The following SNRPN variants were observed in gnomAD, a reference collection of about 807,000 sequenced individuals.
The protein encoded by SNRPN is small nuclear ribonucleoprotein polypeptide N, also known as small nuclear ribonucleoprotein-associated protein N.
Under a neutral mutation model 25.2 loss-of-function variants are expected in SNRPN, and 7 were observed. The observed-to-expected ratio is 0.28, with a 90% CI of 0.16 to 0.52. The LOEUF is 0.52. SNRPN is among the 20% of genes least tolerant of loss of function. The pLI is 0.96. For missense variants in SNRPN, 196 were observed against 322.5 expected, an observed-to-expected ratio of 0.61 and a Z score of 3.00; for synonymous variants, 124 against 110.6, an observed-to-expected ratio of 1.12 and a Z score of -0.76.
intron 2 of SNRPN, chr15:24,908,926 G>T: frequency 2.8e-6 from 3 of 1,064,066 alleles, no homozygotes; most frequent in Non-Finnish European, 4.2e-6. Context: ...AAAATTGTTT[G>T]GTTTAGCTCT....
chr15:24,971,186 T>G (rs1952948763), intron 3 of SNRPN, among the ~76,000 whole-genome samples: 1 of 152,218 alleles, frequency 6.6e-6, no homozygotes, highest in Admixed American at 6.5e-5. Context: ...AACTTGTGCT[T>G]CTGTGAGGGA....
intron 1 of SNRPN, among the ~76,000 whole-genome samples, chr15:24,878,513 C>G (rs2056230250): frequency 6.6e-6 from 1 of 152,238 alleles, no homozygotes; most frequent in South Asian, 2.1e-4. Flanking sequence ...CTTATGGCGC[C>G]CGCCGGGAGT....
At chr15:24,843,232 T>C (rs970459816) in intron 2 of SNRPN, among the ~76,000 whole-genome samples, 7 of 152,156 alleles carry the variant, frequency 4.6e-5, no homozygotes, top group Admixed American at 3.9e-4. Context: ...TAAAATGTTA[T>C]AAATATGGAT....
At chr15:24,935,341 T>C (rs1428081220) in intron 3 of SNRPN, among the ~76,000 whole-genome samples, 2 of 152,078 alleles carry the variant, frequency 1.3e-5, no homozygotes, top group Non-Finnish European at 2.9e-5. Flanking sequence ...AGTACTGATG[T>C]AGGGATTGTG....
At chr15:24,972,774 G>A (rs574593215) in intron 3 of SNRPN, among the ~76,000 whole-genome samples, 1 of 143,790 alleles carries the variant, frequency 7.0e-6, no homozygotes, top group Non-Finnish European at 1.5e-5. Context: ...CATTATGCAT[G>A]CTTGATTACG....
intron 1 of SNRPN, among the ~76,000 whole-genome samples, chr15:24,859,214 C>T (rs2146970104): frequency 6.6e-6 from 1 of 152,212 alleles, no homozygotes; most frequent in South Asian, 2.1e-4. Context: ...GAGAAGCACC[C>T]CTCTGCGCAG....
At chr15:24,831,958 A>G (rs111991855) in intron 2 of SNRPN, among the ~76,000 whole-genome samples, 13 of 143,794 alleles carry the variant, frequency 9.0e-5, no homozygotes, top group Non-Finnish European at 1.7e-4. Context: ...TATCCAACAC[A>G]CCGGATAGTC....
At chr15:24,835,261 T>C (rs1389903750) in intron 2 of SNRPN, among the ~76,000 whole-genome samples, 2 of 151,146 alleles carry the variant, frequency 1.3e-5, no homozygotes, top group East Asian at 3.9e-4. Flanking sequence ...CATGCTGTTT[T>C]TCTTCTTATA....
intron 2 of SNRPN, chr15:24,849,730 A>C (rs1378606719): frequency 6.6e-6 from 1 of 152,186 alleles, no homozygotes; most frequent in Non-Finnish European, 1.5e-5. Context: ...TGACCTATGC[A>C]CAGTACCTGT....
upstream of SNRPN, among the ~76,000 whole-genome samples, chr15:24,954,409 T>G (rs2062520423): frequency 6.6e-6 from 1 of 152,016 alleles, no homozygotes; most frequent in African/African-American, 2.4e-5. Flanking sequence ...TATAGGAGAG[T>G]TTAATTATAT....
intron 1 of SNRPN, among the ~76,000 whole-genome samples, chr15:24,865,138 C>T (rs2054450253): frequency 6.6e-6 from 1 of 151,536 alleles, no homozygotes; most frequent in Non-Finnish European, 1.5e-5. Context: ...CCTCTGCCTC[C>T]CAGGTTCAAG....
In SNRPN at chr15:24,977,077, G is replaced by A. The variant is rs746756443; in HGVS notation, c.420+48G>A. Reference sequence around the variant, plus strand: ...TATATTATTGGGAGAATATGACTAAGCCGGAGGCCGAGGAGATTTAAAAAC... The same window carrying A: ...TATATTATTGGGAGAATATGACTAAACCGGAGGCCGAGGAGATTTAAAAAC... On this transcript the variant is annotated intron_variant, in intron 7 of 9. Transcript: ENST00000390687. The A allele has an allele frequency of 2.1e-6, 3 of 1,459,368 alleles. No homozygotes were observed. In the East Asian group the frequency reaches 7.1e-5, roughly 35 times the overall value. The allele number at this position is 1,459,368 out of a possible 1,614,324, so 90.4% of individuals were successfully genotyped here.
intron 1 of SNRPN, among the ~76,000 whole-genome samples, chr15:24,872,350 A>G (rs2055232143): frequency 8.4e-6 from 1 of 119,658 alleles, no homozygotes; most frequent in African/African-American, 2.9e-5. Context: ...TATTTTTAGT[A>G]GAGACAGGGT....
rs2050864758 is a variant in SNRPN, at chr15:24,834,728, C to CTCTCTCTCT, written c.-579+4823_-579+4824insTCTCTCTCT. ...GAGTGAGACCTTGTCTCTCTCTCTCCCTCTCTCTCTCTCTCTCTCTCTCTA... is the reference window on the plus strand; with the variant it reads ...GAGTGAGACCTTGTCTCTCTCTCTCCTCTCTCTCTCTCTCTCTCTCTCTCTCTCTCTCTA... On this transcript the variant is annotated intron_variant, in intron 2 of 12. Coordinates refer to the SNRPN transcript ENST00000400100. 2.6e-3 allele frequency among the ~76,000 whole-genome samples: 111 copies of CTCTCTCTCT among 42,774 alleles called. 8 individuals carry two copies. Among genetic ancestry groups the CTCTCTCTCT allele is most frequent in the Middle Eastern group, 0.015 (1 of 68 alleles). 28.1% of individuals were successfully genotyped at this position (42,774 alleles called of 152,430 possible). A position where few individuals can be genotyped will look rare whatever the true frequency, so the allele number is the denominator to read the frequency against.
intron 2 of SNRPN, 44 bp from the exon 3 acceptor site, chr15:24,967,888 C>G (rs758609750): frequency 6.8e-7 from 1 of 1,472,272 alleles, no homozygotes; most frequent in Non-Finnish European, 9.4e-7. Context: ...CCTATAAAGA[C>G]AAATGTATTT....
intron 2 of SNRPN, among the ~76,000 whole-genome samples, chr15:24,833,463 G>A (rs1456501372): frequency 6.6e-6 from 1 of 151,934 alleles, no homozygotes; most frequent in Non-Finnish European, 1.5e-5. Flanking sequence ...TAAGGGCAAA[G>A]AAAAAAGTTC....
intron 3 of SNRPN, among the ~76,000 whole-genome samples, chr15:24,924,824 T>C (rs902217687): frequency 1.1e-4 from 17 of 152,064 alleles, no homozygotes; most frequent in Admixed American, 9.8e-4. Context: ...TCAGCCCTCT[T>C]GGGAAATGTG....
At chr15:24,877,709 G>A (rs2056108929) in intron 1 of SNRPN, among the ~76,000 whole-genome samples, 1 of 147,554 alleles carries the variant, frequency 6.8e-6, no homozygotes, top group African/African-American at 2.6e-5. Context: ...CACACTAGCC[G>A]GGCGCAGTGG....
chr15:24,902,473 A>G (rs2151549658), intron 2 of SNRPN, among the ~76,000 whole-genome samples: 1 of 152,276 alleles, frequency 6.6e-6, no homozygotes, highest in South Asian at 2.1e-4. Context: ...ATGATGAACT[A>G]TTTCAGGAAC....
Sources: allele counts gnomAD v4.1 joint callset (sites outside exome capture counted in the v4.1 genomes callset), GRCh38; gene constraint gnomAD v4.1.1; transcripts MANE v1.5; gene names NCBI Gene and HGNC (gene_info 2026-07-23, HGNC 2026-07-21).